The following CDH13 variants were observed in gnomAD, a reference collection of about 807,000 sequenced individuals.
CDH13 encodes cadherin 13.
A neutral mutation model predicts 63.8 loss-of-function variants in CDH13; 24 were observed. The ratio of observed to expected loss-of-function variants is 0.38; its 90% confidence interval spans 0.27 to 0.53. The LOEUF is 0.53. Among genes scored for constraint, CDH13 ranks in the 20% least tolerant of loss-of-function variants. The probability of loss-of-function intolerance (pLI) is 0.85; values close to 1 mark genes in which losing one functional copy is unlikely to be tolerated. For missense variants in CDH13, 1,049 were observed against 903.1 expected, an observed-to-expected ratio of 1.16 and a Z score of -2.07; for synonymous variants, 503 against 355.3, an observed-to-expected ratio of 1.42 and a Z score of -4.67.
intron 7 of CDH13, among the ~76,000 whole-genome samples, chr16:83,503,613 C>A (rs925191520): frequency 1.3e-5 from 2 of 152,108 alleles, no homozygotes; most frequent in African/African-American, 4.8e-5. Flanking sequence ...GCCCACAAGC[C>A]ACTTTTGTGC....
At chr16:83,655,154 G>C (rs185680953) in intron 8 of CDH13, 1 of 152,234 alleles carries the variant, frequency 6.6e-6, no homozygotes, top group Non-Finnish European at 1.5e-5. Flanking sequence ...GGCAAATCTT[G>C]TTGGCAAATC....
intron 5 of CDH13, among the ~76,000 whole-genome samples, chr16:83,325,740 A>G (rs2090345399): frequency 6.6e-6 from 1 of 152,096 alleles, no homozygotes; most frequent in Non-Finnish European, 1.5e-5. Flanking sequence ...TTGTTCTCCT[A>G]GAAGATTCTT....
intron 1 of CDH13, among the ~76,000 whole-genome samples, chr16:82,791,834 A>G (rs748563725): frequency 2.0e-5 from 3 of 152,210 alleles, no homozygotes; most frequent in Non-Finnish European, 2.9e-5. Flanking sequence ...TAATAGAGCT[A>G]TAACACTCAC....
chr16:82,897,773 G>A (rs1414988270), intron 2 of CDH13, among the ~76,000 whole-genome samples: 1 of 152,260 alleles, frequency 6.6e-6, no homozygotes, highest in African/African-American at 2.4e-5. Context: ...TGGGGAAATA[G>A]CAATGAATCC....
chr16:83,708,134 C>T (rs1907416487), intron 10 of CDH13, among the ~76,000 whole-genome samples: 1 of 152,174 alleles, frequency 6.6e-6, no homozygotes, highest in Non-Finnish European at 1.5e-5. Flanking sequence ...GCAAGACTCA[C>T]CACCCATAGA....
intron 3 of CDH13, among the ~76,000 whole-genome samples, chr16:83,082,683 C>G (rs1262866243): frequency 6.6e-6 from 1 of 151,982 alleles, no homozygotes; most frequent in Admixed American, 6.6e-5. Context: ...AAAGATCTCA[C>G]TAAACTGGAG....
intron 2 of CDH13, among the ~76,000 whole-genome samples, chr16:82,946,518 C>G (rs146387205): frequency 2.6e-5 from 4 of 152,026 alleles, no homozygotes; most frequent in East Asian, 1.9e-4. Context: ...CCAGGGAGTT[C>G]AAGACCAGCC....
chr16:83,679,484 G>A (rs760864970), intron 10 of CDH13, among the ~76,000 whole-genome samples: 15 of 152,218 alleles, frequency 9.9e-5, no homozygotes, highest in African/African-American at 1.4e-4. Flanking sequence ...AGAGCAAGCC[G>A]GTGGAGAAGA....
chr16:82,791,216 G>T lies in CDH13; in HGVS notation c.46-67146G>T, dbSNP rs546200534. 3.6e-5 allele frequency among the ~76,000 whole-genome samples: 5 copies of T among 139,236 alleles called. No homozygotes were observed. The East Asian group carries it at 6.3e-4, about 18-fold the overall frequency. 91.3% of individuals were successfully genotyped at this position (139,236 alleles called of 152,430 possible). On this transcript the variant is annotated intron_variant, in intron 1 of 13. Transcript: ENST00000567109. ...CACGCCACTGCACTCCAGCCTGGGC[G>T]ACAAAGCGAGACTCCGTCTCCAAAA...
chr16:83,447,169 C>G (rs1335023237), intron 6 of CDH13, among the ~76,000 whole-genome samples: 1 of 119,262 alleles, frequency 8.4e-6, no homozygotes, highest in Non-Finnish European at 1.6e-5. Context: ...AATCCCAGCT[C>G]TTTGGGAGGG....
intron 3 of CDH13, among the ~76,000 whole-genome samples, chr16:83,076,832 T>C (rs2032875270): frequency 1.3e-5 from 2 of 152,198 alleles, no homozygotes; most frequent in Admixed American, 6.5e-5. Context: ...ACAAAGCTTA[T>C]GCGTCATGTT....
At chr16:82,630,775 A>T (rs1907908701) in intron 1 of CDH13, among the ~76,000 whole-genome samples, 1 of 152,224 alleles carries the variant, frequency 6.6e-6, no homozygotes, top group South Asian at 2.1e-4. Flanking sequence ...CTATGGATTT[A>T]ATTTACACCT....
intron 7 of CDH13, among the ~76,000 whole-genome samples, chr16:83,592,280 C>T (rs544292980): frequency 6.6e-6 from 1 of 152,206 alleles, no homozygotes; most frequent in Non-Finnish European, 1.5e-5. Flanking sequence ...TCATGTAAAC[C>T]TTAATTGGTA....
intron 7 of CDH13, among the ~76,000 whole-genome samples, chr16:83,488,987 A>G (rs925772567): frequency 1.3e-5 from 2 of 152,150 alleles, no homozygotes; most frequent in African/African-American, 4.8e-5. Context: ...TGACTTCCCA[A>G]GGCTCTCTAT....
At chr16:82,847,336 C>T (rs555494260) in intron 1 of CDH13, among the ~76,000 whole-genome samples, 23 of 152,138 alleles carry the variant, frequency 1.5e-4, no homozygotes, top group Admixed American at 2.6e-4. Context: ...GTGTTGGCAG[C>T]GATGCATTCT....
chr16:83,762,356 A>G (rs1914042604), intron 11 of CDH13, among the ~76,000 whole-genome samples: 1 of 151,970 alleles, frequency 6.6e-6, no homozygotes, highest in African/African-American at 2.4e-5. Flanking sequence ...CAATGAACAC[A>G]GAATTGCTGC....
chr16:82,749,527 G>C, intron 1 of CDH13, among the ~76,000 whole-genome samples: 1 of 152,146 alleles, frequency 6.6e-6, no homozygotes, highest in African/African-American at 2.4e-5. Context: ...CCTAGCCTGT[G>C]CTACAGATAC....
At chr16:83,421,020 A>C (rs1200254729) in intron 6 of CDH13, among the ~76,000 whole-genome samples, 1 of 152,180 alleles carries the variant, frequency 6.6e-6, no homozygotes, top group Non-Finnish European at 1.5e-5. Context: ...GTCCACCCAC[A>C]ATGAGGGTGG....
chr16:82,847,930 G>A (rs2039333003), intron 1 of CDH13, among the ~76,000 whole-genome samples: 1 of 140,920 alleles, frequency 7.1e-6, no homozygotes, highest in African/African-American at 2.6e-5. Context: ...GATACTGTAT[G>A]TTTTACAAAT....
Sources: gnomAD v4.1 joint callset for allele counts (sites outside exome capture counted in the v4.1 genomes callset) on GRCh38, gnomAD v4.1.1 for gene constraint, MANE v1.5 for transcripts, NCBI Gene and HGNC (gene_info 2026-07-23, HGNC 2026-07-21) for gene names.